The following LRRC8B variants were observed in gnomAD, a reference collection of about 807,000 sequenced individuals.
The protein encoded by LRRC8B is leucine rich repeat containing 8 VRAC subunit B, also known as volume-regulated anion channel subunit LRRC8B.
Under a neutral mutation model 58.8 loss-of-function variants are expected in LRRC8B, and 23 were observed. That is an observed-to-expected ratio of 0.39 (90% CI 0.28 to 0.55). The LOEUF is 0.55. Among genes scored for constraint, LRRC8B ranks in the 20% least tolerant of loss-of-function variants. LRRC8B has a pLI of 0.62. For synonymous variants in LRRC8B, 359 were observed against 374.1 expected, an observed-to-expected ratio of 0.96 and a Z score of 0.47; for missense variants, 694 against 936.0, an observed-to-expected ratio of 0.74 and a Z score of 3.37.
At chr1:89,546,094 A>G (rs763502077) in intron 1 of LRRC8B, among the ~76,000 whole-genome samples, 3 of 152,088 alleles carry the variant, frequency 2.0e-5, no homozygotes, top group Non-Finnish European at 2.9e-5. Context: ...ATGGTATATT[A>G]TGTGTTTTTT....
At chr1:89,571,729 C>T (rs977607590) in intron 3 of LRRC8B, among the ~76,000 whole-genome samples, 1 of 152,062 alleles carries the variant, frequency 6.6e-6, no homozygotes, top group Non-Finnish European at 1.5e-5. Flanking sequence ...CTATGTTGAA[C>T]AGGAGTGGTG....
rs1182562554 is a variant in LRRC8B, at chr1:89,584,034, C to T, written c.1384C>T (p.Leu462=). ...GAAGCTGCCCTCTGCAGTCTCACAG[C>T]TGGTCAACCTCAAGGAGCTTCGTGT... ...EVKLPSAVSQ[L]VNLKELRVYH... is the part of the protein sequence containing the mutation. The change falls in exon 5 of 6, where the codon CTG becomes TTG. Residue 462 remains leucine, a synonymous_variant. Coordinates refer to ENST00000330947, the MANE Select transcript of LRRC8B (RefSeq NM_001369817.2). 1.2e-6 allele frequency: 2 copies of T among 1,614,164 alleles called. No individual in the cohort carries two copies. Among genetic ancestry groups the T allele is most frequent in the Admixed American group, 1.7e-5 (1 of 60,026 alleles).
intron 1 of LRRC8B, among the ~76,000 whole-genome samples, chr1:89,525,359 G>T (rs1649592332): frequency 6.6e-6 from 1 of 152,208 alleles, no homozygotes; most frequent in African/African-American, 2.4e-5. Context: ...GCACCTGAGC[G>T]TGAGTCCTCG....
chr1:89,555,266 T>C (rs145101335), intron 1 of LRRC8B, among the ~76,000 whole-genome samples: 2 of 152,314 alleles, frequency 1.3e-5, no homozygotes, highest in African/African-American at 4.8e-5. Context: ...CCCTAACTTA[T>C]TCTGAATGCT....
At chr1:89,526,887 G>A (rs1356085673) in intron 1 of LRRC8B, 1 of 152,150 alleles carries the variant, frequency 6.6e-6, no homozygotes, top group Non-Finnish European at 1.5e-5. Flanking sequence ...GATTTCATTT[G>A]ACTAGTTGAG....
At position 89,530,381 on chromosome 1, in the gene LRRC8B, T is replaced by A. The variant is rs11582041; in HGVS notation, c.-241+5359T>A. 4.1e-5 allele frequency among the ~76,000 whole-genome samples: 6 copies of A among 147,512 alleles called. No homozygotes were observed. In the East Asian group the frequency reaches 5.9e-4, roughly 14 times the overall value. On this transcript the variant is annotated intron_variant, in intron 1 of 5. Coordinates refer to ENST00000330947, the MANE Select transcript of LRRC8B (RefSeq NM_001369817.2). ...CTCCAAAAATAAATAAATAAATAAA[T>A]AATAAATAAATAAATAAGAGTATAT...
intron 1 of LRRC8B, among the ~76,000 whole-genome samples, chr1:89,532,966 A>G (rs551661177): frequency 3.9e-5 from 6 of 152,260 alleles, no homozygotes; most frequent in African/African-American, 1.2e-4. Context: ...TTCTCCCTAC[A>G]GTCCTCTTAA....
At chr1:89,592,649 G>C in intron 5 of LRRC8B, 122 bp from the exon 6 acceptor site, 1 of 789,750 alleles carries the variant, frequency 1.3e-6, no homozygotes, top group Non-Finnish European at 2.0e-6. Context: ...CATCATTGTA[G>C]TCTGCATCAC....
At chr1:89,580,040 T>G (rs528127195) in intron 4 of LRRC8B, among the ~76,000 whole-genome samples, 16 of 152,242 alleles carry the variant, frequency 1.1e-4, no homozygotes, top group Non-Finnish European at 2.1e-4. Flanking sequence ...TCGATGACTT[T>G]CCACCACAGA....
At chr1:89,592,407 T>C (rs1181880615) in intron 5 of LRRC8B, among the ~76,000 whole-genome samples, 1 of 152,228 alleles carries the variant, frequency 6.6e-6, no homozygotes, top group African/African-American at 2.4e-5. Context: ...TTATTTCTGA[T>C]CAAGGACTCA....
chr1:89,583,167 G>A lies in LRRC8B; in HGVS notation c.517G>A (p.Val173Met). 1 of 1,614,162 alleles carries A rather than the reference G, an allele frequency of 6.2e-7. No homozygotes were observed. The highest frequency in any genetic ancestry group is 8.5e-7 in the Non-Finnish European group (1 of 1,180,032). ...PWTTRALSETVAEQSVRPLKL... is the reference protein window; with the variant it reads ...PWTTRALSETMAEQSVRPLKL... ...GACCACCCGCGCCCTTTCAGAAACA[G>A]TGGCTGAGCAGTCAGTGAGGCCTCT... The change falls in exon 5 of 6, where the codon GTG becomes ATG. Residue 173 changes from valine to methionine, a missense_variant. Val to Met is a conservative substitution (Grantham distance 21, BLOSUM62 1). This residue lies in a region of LRRC8B where 316 missense variants were observed against 403.8 expected (regional missense o/e 0.78). Transcript: ENST00000330947. This position sits in a 1 kb window ranked among gnomAD's most constrained non-coding sequence, Gnocchi z 5.2.
intron 5 of LRRC8B, among the ~76,000 whole-genome samples, chr1:89,589,891 C>T (rs949045461): frequency 2.0e-5 from 3 of 149,972 alleles, no homozygotes; most frequent in African/African-American, 7.3e-5. Flanking sequence ...GAAAACCATC[C>T]TGTTCTCGGG....
At chr1:89,559,714 G>C (rs1652480150) in intron 1 of LRRC8B, among the ~76,000 whole-genome samples, 1 of 151,964 alleles carries the variant, frequency 6.6e-6, no homozygotes, top group African/African-American at 2.4e-5. Flanking sequence ...CAGAGTGAGT[G>C]TCCATAGCAA....
At chr1:89,588,729 C>G (rs780308212) in intron 5 of LRRC8B, among the ~76,000 whole-genome samples, 2 of 152,032 alleles carry the variant, frequency 1.3e-5, no homozygotes, top group African/African-American at 4.8e-5. Flanking sequence ...AAACAAAACC[C>G]CATGGAAAGG....
At chr1:89,555,371 A>T (rs909705658) in intron 1 of LRRC8B, among the ~76,000 whole-genome samples, 3 of 152,114 alleles carry the variant, frequency 2.0e-5, no homozygotes, top group African/African-American at 7.2e-5. Context: ...TGTCATGTAG[A>T]ATTTGGGATG....
In LRRC8B at chr1:89,594,860, C is replaced by T. The variant is rs1655207319; in HGVS notation, c.*1817C>T. On this transcript the variant is annotated 3_prime_UTR_variant, in exon 6 of 6. Coordinates refer to ENST00000330947, the MANE Select transcript of LRRC8B (RefSeq NM_001369817.2). ...CTATGAAGAAATCTATTAACTGCAC[C>T]TACACAAAACTGGAAAACACTATAG... The T allele has an allele frequency of 6.6e-6, 1 of 152,174 alleles. No homozygotes were observed. Among genetic ancestry groups the T allele is most frequent in the East Asian group, 1.9e-4 (1 of 5,176 alleles). 9.4% of individuals were successfully genotyped at this position (152,174 alleles called of 1,614,324 possible).
chr1:89,545,230 T>C (rs1651315873), intron 1 of LRRC8B, among the ~76,000 whole-genome samples: 1 of 152,234 alleles, frequency 6.6e-6, no homozygotes, highest in Non-Finnish European at 1.5e-5. Context: ...CCAATAGCTC[T>C]TCTTGTTGTC....
At chr1:89,553,092 G>T (rs777450666) in intron 1 of LRRC8B, among the ~76,000 whole-genome samples, 1 of 152,142 alleles carries the variant, frequency 6.6e-6, no homozygotes, top group African/African-American at 2.4e-5. Flanking sequence ...GTAGAGGAAG[G>T]CATTTTTGTT....
intron 3 of LRRC8B, among the ~76,000 whole-genome samples, chr1:89,569,366 T>C (rs939141588): frequency 6.6e-6 from 1 of 152,110 alleles, no homozygotes; most frequent in African/African-American, 2.4e-5. Flanking sequence ...GTTATAAGGG[T>C]ATATTGCATG....
Sources: gnomAD v4.1 joint callset for allele counts (sites outside exome capture counted in the v4.1 genomes callset) on GRCh38, gnomAD v4.1.1 for gene constraint, gnomAD v4.1.1 regional missense constraint, Gnocchi (gnomAD v3.1) non-coding constraint, MANE v1.5 for transcripts, NCBI Gene and HGNC (gene_info 2026-07-23, HGNC 2026-07-21) for gene names.